Variants in NDC1 observed in about 807,000 individuals in gnomAD.
NDC1 encodes the protein NDC1 transmembrane nucleoporin, also known as nucleoporin NDC1.
Under a neutral mutation model 89.8 loss-of-function variants are expected in NDC1, and 24 were observed. The observed-to-expected ratio is 0.27, with a 90% confidence interval of 0.19 to 0.38. The LOEUF is 0.38. NDC1 is among the 10% of genes least tolerant of loss of function. NDC1 has a pLI of 1.00. For missense variants in NDC1, 728 were observed against 797.6 expected, an observed-to-expected ratio of 0.91 and a Z score of 1.05; for synonymous variants, 296 against 284.8, an observed-to-expected ratio of 1.04 and a Z score of -0.39.
At chr1:53,816,279 C>A (rs1444353829) in intron 6 of NDC1, among the ~76,000 whole-genome samples, 2 of 152,048 alleles carry the variant, frequency 1.3e-5, no homozygotes, top group African/African-American at 2.4e-5. Context: ...GGATAGAGAA[C>A]CCAGAAATAA....
intron 10 of NDC1, among the ~76,000 whole-genome samples, chr1:53,801,792 T>C (rs1021334130): frequency 1.8e-4 from 27 of 152,220 alleles, no homozygotes; most frequent in African/African-American, 6.3e-4. Context: ...AATCTTGCTA[T>C]GTTGCCCAGG....
At chr1:53,776,216 C>T (rs1335894259) in intron 16 of NDC1, among the ~76,000 whole-genome samples, 1 of 152,110 alleles carries the variant, frequency 6.6e-6, no homozygotes, top group Non-Finnish European at 1.5e-5. Context: ...CCCGGTTTCC[C>T]AAAGTGCTGG....
chr1:53,776,187 C>T (rs1242078177), intron 16 of NDC1, among the ~76,000 whole-genome samples: 2 of 152,066 alleles, frequency 1.3e-5, no homozygotes, highest in Admixed American at 6.6e-5. Context: ...GAACTCCTGA[C>T]CTCAAGTGAT....
In NDC1 at chr1:53,818,734, T is replaced by C. The variant is rs368161708; in HGVS notation, c.703+237A>G. ...CAAGGTTTATTCAAGCTGTAGTACA[T>C]AACAAGATTTCCTTCTTTTTAAAGG... is the stretch of plus-strand genomic sequence containing the variant. On this transcript the variant is annotated intron_variant, in intron 6 of 17. Coordinates refer to ENST00000371429, the MANE Select transcript of NDC1 (RefSeq NM_018087.5). 8.5e-5 allele frequency among the ~76,000 whole-genome samples: 13 copies of C among 152,246 alleles called. No individual in the cohort carries two copies. In the East Asian group the frequency reaches 9.6e-4, roughly 11 times the overall value.
chr1:53,803,359 G>A (rs1007071355), intron 10 of NDC1, among the ~76,000 whole-genome samples: 4 of 152,170 alleles, frequency 2.6e-5, no homozygotes, highest in South Asian at 2.1e-4. Flanking sequence ...GAGCCACCAC[G>A]CCCAGCCAAA....
At chr1:53,816,799 G>A (rs1260029032) in intron 6 of NDC1, among the ~76,000 whole-genome samples, 1 of 152,062 alleles carries the variant, frequency 6.6e-6, no homozygotes, top group African/African-American at 2.4e-5. Flanking sequence ...TCAAAAAGTG[G>A]GCTAAGGACA....
At chr1:53,800,282 A>G (rs1647860482) in intron 11 of NDC1, among the ~76,000 whole-genome samples, 1 of 151,988 alleles carries the variant, frequency 6.6e-6, no homozygotes, top group African/African-American at 2.4e-5. Flanking sequence ...TTTTCCCTAA[A>G]AATATACACC....
chr1:53,797,021 G>A lies in NDC1; in HGVS notation c.1346C>T (p.Thr449Ile). 3.1e-6 allele frequency: 5 copies of A among 1,614,148 alleles called. No homozygotes were observed. Among genetic ancestry groups the A allele is most frequent in the Non-Finnish European group, 4.2e-6 (5 of 1,180,020 alleles). ...STPDVVSPFG[T>I]PFGSSVMNRM... ...ATTCATTACACTAGAGCCAAATGGG[G>A]TCCCAAATGGGCTCACAACATCAGG... Residue 449 changes from threonine (T) to isoleucine (I), a missense_variant, in exon 12 of 18, where the codon ACC (threonine) becomes ATC (isoleucine). Thr to Ile is a moderately conservative substitution (Grantham distance 89). Coordinates refer to ENST00000371429, the MANE Select transcript of NDC1 (RefSeq NM_018087.5).
chr1:53,837,737 G>A (rs959415410), intron 1 of NDC1, among the ~76,000 whole-genome samples: 5 of 152,128 alleles, frequency 3.3e-5, no homozygotes, highest in Admixed American at 2.0e-4. Flanking sequence ...GTAACTTTAA[G>A]GAGGAAGTAC....
chr1:53,784,562 G>T (rs1295507878), intron 16 of NDC1, among the ~76,000 whole-genome samples: 1 of 152,206 alleles, frequency 6.6e-6, no homozygotes, highest in Non-Finnish European at 1.5e-5. Context: ...GGAGGCCGAG[G>T]TAGGTGGATC....
At chr1:53,794,793 T>C (rs556553002) in intron 13 of NDC1, among the ~76,000 whole-genome samples, 228 of 152,254 alleles carry the variant, frequency 1.5e-3, no homozygotes, top group African/African-American at 5.1e-3. Context: ...GAGGATCACT[T>C]GAGCCCGGGA....
intron 13 of NDC1, 87 bp downstream of exon 13, chr1:53,796,602 T>G (rs1205809010): frequency 2.7e-6 from 2 of 747,520 alleles, no homozygotes; most frequent in Middle Eastern, 4.1e-4. Context: ...AAAAAAAGCT[T>G]CTTATTCCTG....
intron 16 of NDC1, among the ~76,000 whole-genome samples, chr1:53,782,705 A>T (rs184220831): frequency 6.4e-4 from 98 of 152,342 alleles, no homozygotes; most frequent in Non-Finnish European, 1.1e-3. Flanking sequence ...ATCTAATTAA[A>T]ATCTAGCATT....
chr1:53,784,354 A>C (rs559555705), intron 16 of NDC1, among the ~76,000 whole-genome samples: 8 of 152,310 alleles, frequency 5.3e-5, no homozygotes, highest in South Asian at 4.1e-4. Flanking sequence ...CTGAAGAAAG[A>C]ATAAGGGATG....
At position 53,767,708 on chromosome 1, in the gene NDC1, T is replaced by C; in HGVS notation, c.*262A>G. The C allele has an allele frequency of 3.2e-6, 1 of 308,222 alleles. No homozygotes were observed. Among genetic ancestry groups the C allele is most frequent in the Admixed American group, 5.0e-5 (1 of 20,184 alleles). The allele number at this position is 308,222 out of a possible 1,614,324, so 19.1% of individuals were successfully genotyped here. On this transcript the variant is annotated 3_prime_UTR_variant, in exon 18 of 18. Coordinates refer to ENST00000371429, the MANE Select transcript of NDC1 (RefSeq NM_018087.5). ...TGAGCTAGAGACATTTCGACTGCCATCAATGCTTCTGTAAAATTGAATAAA... is the reference window on the plus strand; with the variant it reads ...TGAGCTAGAGACATTTCGACTGCCACCAATGCTTCTGTAAAATTGAATAAA...
intron 2 of NDC1, among the ~76,000 whole-genome samples, chr1:53,834,457 A>G (rs761478759): frequency 6.6e-6 from 1 of 152,206 alleles, no homozygotes; most frequent in East Asian, 1.9e-4. Context: ...CTTAACACCA[A>G]TATCTCCAAA....
At chr1:53,835,132 A>T (rs1428724584) in intron 2 of NDC1, among the ~76,000 whole-genome samples, 1 of 152,198 alleles carries the variant, frequency 6.6e-6, no homozygotes, top group Non-Finnish European at 1.5e-5. Context: ...TAAAAGAGGT[A>T]CATGTCATAT....
chr1:53,798,138 T>TA (rs1553148465), intron 11 of NDC1, among the ~76,000 whole-genome samples: 39 of 133,022 alleles, frequency 2.9e-4, no homozygotes, highest in African/African-American at 1.1e-3. Context: ...CCATCTTCTT[T>TA]TTATTATTAT....
Position 53,832,471 on chromosome 1 carries a change from T to G in NDC1, c.280+19A>C. The G allele has an allele frequency of 1.6e-6, 2 of 1,244,564 alleles. No individual in the cohort carries two copies. The highest frequency in any genetic ancestry group is 2.4e-6 in the Non-Finnish European group (2 of 850,706). 77.1% of individuals were successfully genotyped at this position (1,244,564 alleles called of 1,614,324 possible). A position where few individuals can be genotyped will look rare whatever the true frequency, so the allele number is the denominator to read the frequency against. On this transcript the variant is annotated intron_variant, in intron 3 of 17. Coordinates refer to ENST00000371429, the MANE Select transcript of NDC1 (RefSeq NM_018087.5). Reference sequence around the variant, plus strand: ...ATAAATTCGCATATTTCTAAGAAGGTTAACATTTGAAAACTCACCTGCATA... The same window carrying G: ...ATAAATTCGCATATTTCTAAGAAGGGTAACATTTGAAAACTCACCTGCATA...
Sources: allele counts gnomAD v4.1 joint callset (sites outside exome capture counted in the v4.1 genomes callset), GRCh38; gene constraint gnomAD v4.1.1; transcripts MANE v1.5; gene names NCBI Gene and HGNC (gene_info 2026-07-23, HGNC 2026-07-21).